KCNMA1: variants seen among roughly 807,000 people sequenced by gnomAD.
KCNMA1 encodes the protein Calcium-activated potassium channel subunit alpha-1.
In KCNMA1, 29 loss-of-function variants were observed where a neutral mutation model predicts 140.0. The ratio of observed to expected loss-of-function variants is 0.21; its 90% CI spans 0.15 to 0.28. The LOEUF (loss-of-function observed/expected upper bound fraction) is 0.28. Among genes scored for constraint, KCNMA1 ranks in the 10% least tolerant of loss-of-function variants. The pLI, the probability that KCNMA1 is intolerant of heterozygous loss-of-function variation, is 1.00. For missense variants in KCNMA1, 880 were observed against 1,602.2 expected, an observed-to-expected ratio of 0.55 and a Z score of 7.70; for synonymous variants, 612 against 611.9, an observed-to-expected ratio of 1.00 and a Z score of 0.00.
chr10:77,355,588 G>C (rs2093404622), intron 2 of KCNMA1, among the ~76,000 whole-genome samples: 1 of 152,180 alleles, frequency 6.6e-6, no homozygotes, highest in African/African-American at 2.4e-5. Context: ...GCCAGCCTTT[G>C]ATAAAGACAC....
chr10:77,451,362 C>A (rs1039023164), intron 1 of KCNMA1, among the ~76,000 whole-genome samples: 7 of 152,106 alleles, frequency 4.6e-5, no homozygotes, highest in African/African-American at 7.2e-5. Flanking sequence ...TGACCACCAG[C>A]GAGAGGTCAC....
chr10:77,353,709 T>G (rs1325220460), intron 2 of KCNMA1, among the ~76,000 whole-genome samples: 1 of 152,224 alleles, frequency 6.6e-6, no homozygotes, highest in East Asian at 1.9e-4. Context: ...GATGAAACAA[T>G]TGAGGCCAAA....
intron 1 of KCNMA1, among the ~76,000 whole-genome samples, chr10:77,633,349 A>C (rs2093417340): frequency 6.6e-6 from 1 of 151,976 alleles, no homozygotes; most frequent in African/African-American, 2.4e-5. Context: ...AGAGAGAGAG[A>C]GCAAGGAATG....
intron 24 of KCNMA1, 145 bp from the exon 25 acceptor site, chr10:76,910,241 G>T: frequency 1.2e-6 from 1 of 855,606 alleles, no homozygotes; most frequent in Non-Finnish European, 1.9e-6. Flanking sequence ...GGATCTTTGG[G>T]TAAGGGGGGC....
At chr10:77,389,188 C>T (rs958452453) in intron 2 of KCNMA1, among the ~76,000 whole-genome samples, 10 of 152,182 alleles carry the variant, frequency 6.6e-5, no homozygotes, top group African/African-American at 2.2e-4. Context: ...CTCCACTGAT[C>T]ACCCACAGTG....
intron 1 of KCNMA1, among the ~76,000 whole-genome samples, chr10:77,577,059 C>A (rs2074367546): frequency 6.6e-6 from 1 of 150,604 alleles, no homozygotes; most frequent in South Asian, 2.1e-4. Context: ...CAGGAGGTAA[C>A]AGCAGTAACT....
intron 17 of KCNMA1, chr10:77,012,373 T>G (rs992597411): frequency 1.3e-6 from 2 of 1,511,762 alleles, no homozygotes; most frequent in Non-Finnish European, 1.8e-6. Context: ...CGTGGGGACA[T>G]GTGGGCAATG....
At chr10:76,915,347 TA>T (rs1289048040) in intron 23 of KCNMA1, among the ~76,000 whole-genome samples, 1 of 152,144 alleles carries the variant, frequency 6.6e-6, no homozygotes, top group Non-Finnish European at 1.5e-5. Context: ...ACAGGAGAAT[TA>T]TCCCCTGTGC....
rs568604216 is a variant in KCNMA1 at position 77,271,192 on chromosome 10, A to G, written c.541-19936T>C. ...GTTTATATTTTTGTTAATTAAAGTT[A>G]AACACAAATTAAAAACTCAGTTCCT... On this transcript the variant is annotated intron_variant, in intron 2 of 27. Transcript: ENST00000286628. 8.5e-5 allele frequency among the ~76,000 whole-genome samples: 13 copies of G among 152,356 alleles called. No individual in the cohort carries two copies. In the South Asian group the frequency reaches 2.3e-3, roughly 27 times the overall value.
intron 1 of KCNMA1, among the ~76,000 whole-genome samples, chr10:77,415,085 G>A (rs1334686381): frequency 3.3e-5 from 5 of 152,098 alleles, no homozygotes; most frequent in Non-Finnish European, 7.4e-5. Context: ...CACTATGTAC[G>A]GACAGAGAGT....
chr10:77,424,148 G>C (rs968129044), intron 1 of KCNMA1, among the ~76,000 whole-genome samples: 1 of 152,208 alleles, frequency 6.6e-6, no homozygotes, highest in African/African-American at 2.4e-5. Context: ...AACTACAGCA[G>C]GTTAGTTAAT....
chr10:77,039,416 T>G, intron 15 of KCNMA1, 112 bp downstream of exon 15: 1 of 737,612 alleles, frequency 1.4e-6, no homozygotes, highest in Non-Finnish European at 2.5e-6. Flanking sequence ...CGGGATACCC[T>G]CGGCAATTGT....
At chr10:77,224,796 T>G (rs151061341) in intron 3 of KCNMA1, among the ~76,000 whole-genome samples, 4 of 152,104 alleles carry the variant, frequency 2.6e-5, no homozygotes, top group Non-Finnish European at 5.9e-5. Context: ...TCCTCATCCA[T>G]CAAATGTCGA....
intron 5 of KCNMA1, among the ~76,000 whole-genome samples, chr10:77,138,504 C>T (rs982557391): frequency 6.6e-6 from 1 of 152,204 alleles, no homozygotes; most frequent in Non-Finnish European, 1.5e-5. Flanking sequence ...ACTGCTGTTA[C>T]CTCCATCTGG....
Position 77,296,127 on chromosome 10 carries a change from G to A in KCNMA1, c.541-44871C>T, listed in dbSNP as rs149452338. ...AAAAGGGGTTTGCTGGTGTGATTAA[G>A]TTAAGGATCTTGAAATGGGGAGATT... On this transcript the variant is annotated intron_variant, in intron 2 of 27. Coordinates refer to ENST00000286628, the MANE Select transcript of KCNMA1 (RefSeq NM_001161352.2). 2.1e-3 allele frequency among the ~76,000 whole-genome samples: 323 copies of A among 152,272 alleles called. 3 individuals carry two copies. The highest frequency in any genetic ancestry group is 7.4e-3 in the African/African-American group (306 of 41,558).
intron 9 of KCNMA1, chr10:77,091,849 C>T (rs1005969731): frequency 1.3e-5 from 2 of 152,278 alleles, no homozygotes; most frequent in South Asian, 2.1e-4. Context: ...CCTGCCCTTT[C>T]GTTGTAATTT....
chr10:77,255,916 A>AC (rs2060635769), intron 2 of KCNMA1, among the ~76,000 whole-genome samples: 1 of 150,868 alleles, frequency 6.6e-6, no homozygotes, highest in Non-Finnish European at 1.5e-5. Context: ...CCATCTCAAA[A>AC]AAAAAAAAAA....
At chr10:77,293,550 C>T (rs902083996) in intron 2 of KCNMA1, among the ~76,000 whole-genome samples, 1 of 152,234 alleles carries the variant, frequency 6.6e-6, no homozygotes, top group African/African-American at 2.4e-5. Context: ...AGGACTGATG[C>T]ACATCCACAT....
chr10:76,974,663 G>A (rs1424441243), intron 19 of KCNMA1: 1 of 875,908 alleles, frequency 1.1e-6, no homozygotes, highest in Non-Finnish European at 1.8e-6. Context: ...ACATTGAATA[G>A]CTTTGAATCA....
Sources: gnomAD v4.1 joint callset for allele counts (sites outside exome capture counted in the v4.1 genomes callset) on GRCh38, gnomAD v4.1.1 for gene constraint, MANE v1.5 for transcripts, NCBI Gene and HGNC (gene_info 2026-07-23, HGNC 2026-07-21) for gene names.